The following GSE1 variants were observed in gnomAD, a reference collection of about 807,000 sequenced individuals.
The protein encoded by GSE1 is genetic suppressor element 1.
GSE1 carries 32 observed loss-of-function variants against 112.6 expected under a neutral mutation model. That is an observed-to-expected ratio of 0.28 (90% confidence interval 0.21 to 0.38). The LOEUF (loss-of-function observed/expected upper bound fraction) is 0.38, where lower values mean the gene tolerates loss of function less well. Ranked by LOEUF, GSE1 falls within the 10% of genes least tolerant of loss-of-function variation. GSE1 has a pLI of 1.00. For missense variants in GSE1, 2,348 were observed against 1,699.2 expected, an observed-to-expected ratio of 1.38 and a Z score of -6.71; for synonymous variants, 1,115 against 735.6, an observed-to-expected ratio of 1.52 and a Z score of -8.35.
intron 1 of GSE1, among the ~76,000 whole-genome samples, chr16:85,629,721 G>A (rs1481255849): frequency 1.3e-5 from 2 of 152,224 alleles, no homozygotes. Context: ...GATGCTGATG[G>A]TCTCTGGCAT....
At chr16:85,403,965 C>A (rs113606544) in intron 2 of GSE1, among the ~76,000 whole-genome samples, 2 of 152,174 alleles carry the variant, frequency 1.3e-5, no homozygotes, top group African/African-American at 2.4e-5. Context: ...GGCTTGTGGC[C>A]GCTCACTGCA....
At chr16:85,282,385 G>GGGT (rs145241227) in intron 1 of GSE1, among the ~76,000 whole-genome samples, 1,887 of 152,250 alleles carry the variant, frequency 0.012, 32 homozygotes, top group African/African-American at 0.044. Flanking sequence ...CCTCTCACTG[G>GGGT]GGTAGACTGA....
intron 2 of GSE1, among the ~76,000 whole-genome samples, chr16:85,389,155 G>A (rs919267202): frequency 2.6e-5 from 4 of 152,160 alleles, no homozygotes; most frequent in Admixed American, 6.5e-5. Context: ...TGATAGAGCA[G>A]AACCTCATTA....
rs189859492 is a variant in GSE1, at chr16:85,483,722, G to A, written c.2464+126079G>A. On this transcript the variant is annotated intron_variant, in intron 2 of 2. Coordinates refer to the GSE1 transcript ENST00000637419. Reference sequence around the variant, plus strand: ...CTTAATTAATTGACTTTGAGCGAGGGAGCCCGTCCCCGTGTAAACCTAGCA... The same window carrying A: ...CTTAATTAATTGACTTTGAGCGAGGAAGCCCGTCCCCGTGTAAACCTAGCA... Among the ~76,000 whole-genome samples, 158 of 152,388 alleles carry A rather than the reference G, an allele frequency of 1.0e-3. 1 individual carries two copies. The highest frequency in any genetic ancestry group is 0.01 in the Middle Eastern group (3 of 294).
At chr16:85,534,674 C>T (rs1354334299) in intron 2 of GSE1, among the ~76,000 whole-genome samples, 1 of 152,212 alleles carries the variant, frequency 6.6e-6, no homozygotes, top group African/African-American at 2.4e-5. Context: ...GGTCGTGCCG[C>T]CGTGAGCTCG....
At chr16:85,394,775 C>T (rs2047929692) in intron 2 of GSE1, among the ~76,000 whole-genome samples, 1 of 152,192 alleles carries the variant, frequency 6.6e-6, no homozygotes, top group Non-Finnish European at 1.5e-5. Flanking sequence ...AACCTTTCCT[C>T]TCCTGTTCGT....
At chr16:85,614,064 C>G (rs1052765929) in intron 1 of GSE1, among the ~76,000 whole-genome samples, 25 of 150,278 alleles carry the variant, frequency 1.7e-4, no homozygotes, top group Non-Finnish European at 3.7e-4. Flanking sequence ...CCCCCACCCC[C>G]GGCGGAGCGG....
chr16:85,221,662 C>A (rs1319142866), intron 1 of GSE1, among the ~76,000 whole-genome samples: 1 of 152,206 alleles, frequency 6.6e-6, no homozygotes, highest in Non-Finnish European at 1.5e-5. Context: ...ATGGTCTCGG[C>A]CCCGGCTTCC....
chr16:85,207,495 T>G (rs1321907629), intron 1 of GSE1, among the ~76,000 whole-genome samples: 2 of 152,212 alleles, frequency 1.3e-5, no homozygotes, highest in African/African-American at 4.8e-5. Context: ...AGAGGCTGGC[T>G]TCCCCTGCTG....
At chr16:85,513,429 G>A (rs1031293140) in intron 2 of GSE1, among the ~76,000 whole-genome samples, 1 of 152,126 alleles carries the variant, frequency 6.6e-6, no homozygotes, top group Non-Finnish European at 1.5e-5. Flanking sequence ...CACAGTGGTT[G>A]AAACAGTGCC....
intron 2 of GSE1, among the ~76,000 whole-genome samples, chr16:85,391,267 C>T (rs371214085): frequency 3.3e-5 from 5 of 152,236 alleles, no homozygotes; most frequent in Admixed American, 6.5e-5. Flanking sequence ...GCATGTCCCA[C>T]GCACCCACCC....
upstream of GSE1, among the ~76,000 whole-genome samples, chr16:85,612,126 G>A (rs957504017): frequency 6.6e-6 from 1 of 151,944 alleles, no homozygotes; most frequent in African/African-American, 2.4e-5. Context: ...GAGCCGCCCG[G>A]GGGGGTTACA....
chr16:85,265,782 A>G (rs4074606), intron 1 of GSE1, among the ~76,000 whole-genome samples: 30,901 of 152,012 alleles, frequency 0.2, 3,632 homozygotes, highest in African/African-American at 0.32. Context: ...CATCCCATGC[A>G]TCGCCGGGGT....
intron 2 of GSE1, among the ~76,000 whole-genome samples, chr16:85,512,417 G>A (rs187275554): frequency 2.4e-4 from 36 of 152,300 alleles, no homozygotes; most frequent in Admixed American, 1.1e-3. Context: ...GTGCTTCTGC[G>A]AGCCAGGACA....
At chr16:85,426,452 G>T (rs906068689) in intron 2 of GSE1, among the ~76,000 whole-genome samples, 1 of 134,900 alleles carries the variant, frequency 7.4e-6, no homozygotes, top group Non-Finnish European at 1.6e-5. Flanking sequence ...AAGGAAGGAA[G>T]GAAGGGAGAA....
At position 85,672,408 on chromosome 16, in the gene GSE1, T is replaced by C. The variant is rs1478635758; in HGVS notation, c.3523T>C (p.Leu1175=). The change falls in exon 16 of 16, where the codon TTG becomes CTG. Residue 1175 remains leucine, a synonymous_variant. Transcript: ENST00000253458. ...ACACAAATTTCCCTCTCTCCAGGAG[T>C]TGAGGAGCCAGAAACAGAAGATGGT... ...AEQLSHSVAE[L]RSQKQKMVSE... is the part of the protein sequence containing the mutation. 4 of 1,611,046 alleles carry C rather than the reference T, an allele frequency of 2.5e-6. No individual in the cohort carries two copies. Among genetic ancestry groups the C allele is most frequent in the Admixed American group, 1.7e-5 (1 of 59,846 alleles).
At chr16:85,467,232 G>A (rs2050149883) in intron 2 of GSE1, among the ~76,000 whole-genome samples, 1 of 152,202 alleles carries the variant, frequency 6.6e-6, no homozygotes, top group Non-Finnish European at 1.5e-5. Flanking sequence ...GAGCCAGCCT[G>A]GGTTCGCATC....
intron 2 of GSE1, among the ~76,000 whole-genome samples, chr16:85,449,702 A>T (rs1465282572): frequency 1.3e-5 from 2 of 152,130 alleles, no homozygotes; most frequent in African/African-American, 4.8e-5. Flanking sequence ...AGTGGTTGTG[A>T]GCTGGGGGCA....
chr16:85,456,369 G>A (rs2151814233), intron 2 of GSE1, among the ~76,000 whole-genome samples: 1 of 152,272 alleles, frequency 6.6e-6, no homozygotes, highest in East Asian at 1.9e-4. Context: ...GACCCTTTGA[G>A]CTTGTTCTGG....
Sources: allele counts gnomAD v4.1 joint callset (sites outside exome capture counted in the v4.1 genomes callset), GRCh38; gene constraint gnomAD v4.1.1; transcripts MANE v1.5; gene names NCBI Gene and HGNC (gene_info 2026-07-23, HGNC 2026-07-21).